Variants in UBAP1 observed in about 807,000 individuals in gnomAD.
UBAP1 encodes ubiquitin associated protein 1, also known as ubiquitin-associated protein 1.
In UBAP1, 5 loss-of-function variants were observed where a neutral mutation model predicts 39.0. The ratio of observed to expected loss-of-function variants is 0.13; its 90% CI spans 0.07 to 0.27. The LOEUF is 0.27. UBAP1 is among the 10% of genes least tolerant of loss of function. The pLI is 1.00. For missense variants in UBAP1, 490 were observed against 608.1 expected (o/e 0.81, Z 2.04); for synonymous variants, 211 against 225.1 (o/e 0.94, Z 0.56).
intron 1 of UBAP1, among the ~76,000 whole-genome samples, chr9:34,201,735 G>A (rs1269797819): frequency 1.3e-5 from 2 of 151,994 alleles, no homozygotes; most frequent in Non-Finnish European, 2.9e-5. Flanking sequence ...GTTCAATGCC[G>A]ACACTGTCTA....
intron 4 of UBAP1, among the ~76,000 whole-genome samples, chr9:34,243,379 C>G (rs17349871): frequency 0.32 from 49,353 of 152,108 alleles, 9,804 homozygotes; most frequent in Non-Finnish European, 0.45. Flanking sequence ...GAGTTTCTTT[C>G]TGACCTGTTC....
rs1834610798 is a variant in UBAP1, at chr9:34,252,388, TC to T, written c.*857del. 1 of 152,668 alleles carries T rather than the reference TC, an allele frequency of 6.6e-6. No homozygotes were observed. Among genetic ancestry groups the T allele is most frequent in the Non-Finnish European group, 1.5e-5 (1 of 68,046 alleles). The allele number at this position is 152,668 out of a possible 1,614,324, so 9.5% of individuals were successfully genotyped here. On this transcript the variant is annotated 3_prime_UTR_variant, in exon 7 of 7. Coordinates refer to ENST00000297661, the MANE Select transcript of UBAP1 (RefSeq NM_016525.5). ...ACACCTAGTCATAGAAATCAGTCTCTCTGGTTTGTTTTGTATTATGTTGTAC... is the reference window on the plus strand; with the variant it reads ...ACACCTAGTCATAGAAATCAGTCTCTTGGTTTGTTTTGTATTATGTTGTAC...
chr9:34,212,398 C>CACAT, intron 1 of UBAP1, among the ~76,000 whole-genome samples: 1 of 141,724 alleles, frequency 7.1e-6, no homozygotes, highest in Non-Finnish European at 1.6e-5. Flanking sequence ...TTAAAACACA[C>CACAT]ACACACACAC....
At chr9:34,203,422 G>T (rs1002429696) in intron 1 of UBAP1, among the ~76,000 whole-genome samples, 2 of 152,122 alleles carry the variant, frequency 1.3e-5, no homozygotes, top group Admixed American at 1.3e-4. Flanking sequence ...CGAGAACTTG[G>T]AATTCAGCAA....
intron 1 of UBAP1, among the ~76,000 whole-genome samples, chr9:34,213,542 T>C (rs1188954474): frequency 6.6e-6 from 1 of 151,906 alleles, no homozygotes; most frequent in African/African-American, 2.4e-5. Flanking sequence ...CAACCATCTA[T>C]GACACACCTA....
chr9:34,212,822 A>G (rs754244874), intron 1 of UBAP1, among the ~76,000 whole-genome samples: 1 of 152,228 alleles, frequency 6.6e-6, no homozygotes, highest in African/African-American at 2.4e-5. Context: ...ATTCCACAAG[A>G]TAAAGAAGGA....
At chr9:34,224,653 T>G (rs1490885950) in intron 2 of UBAP1, 6 of 338,156 alleles carry the variant, frequency 1.8e-5, no homozygotes, top group Non-Finnish European at 3.4e-5. Flanking sequence ...TGGAAAGAGC[T>G]AGTTGGGTTT....
chr9:34,218,509 GT>G (rs1291421145), intron 1 of UBAP1, among the ~76,000 whole-genome samples: 1 of 77,868 alleles, frequency 1.3e-5, no homozygotes, highest in Non-Finnish European at 3.0e-5. Context: ...GCATATGTCT[GT>G]GAGCATATTC....
rs142277613 is a variant in UBAP1, at chr9:34,228,729, C to T, written c.35-5487C>T. On this transcript the variant is annotated intron_variant, in intron 2 of 6. Transcript: ENST00000297661. ...GGATTACAGGCGTGCATCACCATGC[C>T]TAGCTAATTTTTTTTTTTTTTTGTA... Among the ~76,000 whole-genome samples the T allele has an allele frequency of 4.9e-3, 714 of 145,082 alleles. 6 individuals carry two copies. Among genetic ancestry groups the T allele is most frequent in the African/African-American group, 0.017 (678 of 40,664 alleles).
intron 1 of UBAP1, among the ~76,000 whole-genome samples, chr9:34,209,461 T>C (rs1261863376): frequency 1.3e-5 from 2 of 152,202 alleles, no homozygotes; most frequent in Admixed American, 6.5e-5. Context: ...GCCTTTTGAG[T>C]GGTAATGCTA....
chr9:34,216,860 T>C (rs1319705078), intron 1 of UBAP1, among the ~76,000 whole-genome samples: 2 of 151,792 alleles, frequency 1.3e-5, no homozygotes, highest in African/African-American at 4.8e-5. Context: ...TTACCCAGGG[T>C]GGTCTCAAAC....
intron 2 of UBAP1, among the ~76,000 whole-genome samples, chr9:34,223,262 C>G (rs192493706): frequency 2.4e-3 from 366 of 152,150 alleles, no homozygotes; most frequent in South Asian, 6.0e-3. Context: ...GAAACCCTGT[C>G]TCTATTAAAA....
In UBAP1 at chr9:34,213,906, T is replaced by C. The variant is rs569489580; in HGVS notation, c.-7-7002T>C. 3.5e-4 allele frequency among the ~76,000 whole-genome samples: 50 copies of C among 141,246 alleles called. 1 individual carries two copies. The highest frequency in any genetic ancestry group is 5.3e-4 in the Non-Finnish European group (36 of 67,508). 92.7% of individuals were successfully genotyped at this position (141,246 alleles called of 152,430 possible). A position where few individuals can be genotyped will look rare whatever the true frequency, so the allele number is the denominator to read the frequency against. ...CCAAGCAGAGAATCAAATAAAAAAC[T>C]CAACCCCTTTTACAACAGCTGCAAA... is the stretch of plus-strand genomic sequence containing the variant. On this transcript the variant is annotated intron_variant, in intron 1 of 6. Coordinates refer to ENST00000297661, the MANE Select transcript of UBAP1 (RefSeq NM_016525.5).
intron 1 of UBAP1, among the ~76,000 whole-genome samples, chr9:34,214,154 G>T (rs1340883885): frequency 6.6e-6 from 1 of 152,104 alleles, no homozygotes; most frequent in African/African-American, 2.4e-5. Flanking sequence ...ATTCTTCACA[G>T]AATTAGAAAC....
chr9:34,232,874 A>C (rs572350472), intron 2 of UBAP1, among the ~76,000 whole-genome samples: 1 of 152,228 alleles, frequency 6.6e-6, no homozygotes, highest in Non-Finnish European at 1.5e-5. Context: ...ATTGTCCACA[A>C]TGGTTCTGCC....
At chr9:34,219,231 G>A (rs1832523058) in intron 1 of UBAP1, among the ~76,000 whole-genome samples, 1 of 151,990 alleles carries the variant, frequency 6.6e-6, no homozygotes, top group African/African-American at 2.4e-5. Flanking sequence ...AGGGACTACA[G>A]GCATGCAACA....
intron 1 of UBAP1, among the ~76,000 whole-genome samples, chr9:34,194,975 T>C (rs1216131816): frequency 6.6e-6 from 1 of 152,178 alleles, no homozygotes; most frequent in Non-Finnish European, 1.5e-5. Context: ...ACCTAGTAAG[T>C]TGCAGAACTG....
chr9:34,210,397 T>C (rs75261924), intron 1 of UBAP1, among the ~76,000 whole-genome samples: 2,392 of 152,280 alleles, frequency 0.016, 35 homozygotes, highest in Non-Finnish European at 0.023. Context: ...CAAAAAAATA[T>C]TCTAATACTA....
intron 3 of UBAP1, among the ~76,000 whole-genome samples, chr9:34,237,016 T>C (rs1281718490): frequency 6.6e-6 from 1 of 152,124 alleles, no homozygotes; most frequent in Non-Finnish European, 1.5e-5. Flanking sequence ...AATATTCTTT[T>C]TCTCACTATA....
Sources: gnomAD v4.1 joint callset for allele counts (sites outside exome capture counted in the v4.1 genomes callset) on GRCh38, gnomAD v4.1.1 for gene constraint, MANE v1.5 for transcripts, NCBI Gene and HGNC (gene_info 2026-07-23, HGNC 2026-07-21) for gene names.